Variants in MEIS2 observed in about 807,000 individuals in gnomAD.
The protein encoded by MEIS2 is Meis homeobox 2, also known as homeobox protein Meis2.
A neutral mutation model predicts 58.6 loss-of-function variants in MEIS2; 9 were observed. The observed-to-expected ratio is 0.15, with a 90% CI of 0.09 to 0.27. MEIS2 has a LOEUF of 0.27. Ranked by LOEUF, MEIS2 falls within the 10% of genes least tolerant of loss-of-function variation. The probability of loss-of-function intolerance (pLI) is 1.00; values close to 1 mark genes in which losing one functional copy is unlikely to be tolerated. For synonymous variants in MEIS2, 221 were observed against 228.4 expected, an observed-to-expected ratio of 0.97 and a Z score of 0.29; for missense variants, 427 against 635.0, an observed-to-expected ratio of 0.67 and a Z score of 3.52.
At chr15:37,024,509 G>A (rs780102051) in intron 8 of MEIS2, among the ~76,000 whole-genome samples, 5 of 152,142 alleles carry the variant, frequency 3.3e-5, no homozygotes, top group Non-Finnish European at 5.9e-5. Context: ...TGGCTGGTGC[G>A]TCTAAACCTA....
At chr15:36,902,456 C>G (rs536269825) in intron 9 of MEIS2, among the ~76,000 whole-genome samples, 1 of 152,326 alleles carries the variant, frequency 6.6e-6, no homozygotes, top group East Asian at 1.9e-4. Flanking sequence ...GAATCACACT[C>G]TCTGTATGGT....
chr15:36,977,155 T>C (rs914275117), intron 8 of MEIS2, among the ~76,000 whole-genome samples: 2 of 148,412 alleles, frequency 1.3e-5, no homozygotes, highest in Non-Finnish European at 3.0e-5. Flanking sequence ...AAACAAAAAA[T>C]TCAGGGGAGG....
At chr15:36,894,618 A>T (rs1251879246) in intron 11 of MEIS2, 3 of 904,794 alleles carry the variant, frequency 3.3e-6, no homozygotes, top group Non-Finnish European at 3.4e-6. Context: ...AAAGGCATGC[A>T]GTTATGGGCA....
chr15:37,017,873 A>AC (rs1187128185), intron 8 of MEIS2, among the ~76,000 whole-genome samples: 1 of 152,156 alleles, frequency 6.6e-6, no homozygotes, highest in East Asian at 1.9e-4. Flanking sequence ...AAACAATGAC[A>AC]CCAAAAATTT....
At chr15:36,927,918 T>A (rs1468277730) in intron 9 of MEIS2, among the ~76,000 whole-genome samples, 1 of 152,000 alleles carries the variant, frequency 6.6e-6, no homozygotes, top group Admixed American at 6.6e-5. Flanking sequence ...ATAAATAACA[T>A]AAATAAACAA....
chr15:37,069,723 A>C (rs1890438007), intron 7 of MEIS2, among the ~76,000 whole-genome samples: 1 of 152,160 alleles, frequency 6.6e-6, no homozygotes, highest in South Asian at 2.1e-4. Context: ...CAACAATAAG[A>C]GAGTCAGCGA....
At chr15:36,948,912 A>T (rs1234743082) in intron 9 of MEIS2, among the ~76,000 whole-genome samples, 1 of 151,986 alleles carries the variant, frequency 6.6e-6, no homozygotes, top group Non-Finnish European at 1.5e-5. Context: ...TCCAATCTTT[A>T]GAAGAAAATT....
intron 8 of MEIS2, among the ~76,000 whole-genome samples, chr15:37,034,146 G>A (rs145070707): frequency 6.6e-6 from 1 of 152,010 alleles, no homozygotes; most frequent in African/African-American, 2.4e-5. Flanking sequence ...AGGAAAGAAT[G>A]ACCCATGAGG....
Position 36,895,160 on chromosome 15 carries a change from G to A in MEIS2, c.1138C>T (p.Arg380Trp), listed in dbSNP as rs2056106639. 1.9e-6 allele frequency: 3 copies of A among 1,613,718 alleles called. No individual in the cohort carries two copies. Among genetic ancestry groups the A allele is most frequent in the Admixed American group, 1.7e-5 (1 of 60,018 alleles). The change falls in exon 11 of 12, where the codon CGG (arginine) becomes TGG (tryptophan). Residue 380 changes from arginine (R) to tryptophan (W), a missense_variant. Arg to Trp is a moderately radical substitution (Grantham distance 101). This residue lies in a region of MEIS2 where 154 missense variants were observed against 148.1 expected (regional missense o/e 1.04). Transcript: ENST00000561208. Reference sequence around the variant, plus strand: ...GGATGAGCCAACCTACCTGCAGGCCGGATCCCCATGTGTTGCTGACCATCC... The same window carrying A: ...GGATGAGCCAACCTACCTGCAGGCCAGATCCCCATGTGTTGCTGACCATCC... The part of the protein sequence containing the change: ...VLDGQQHMGI[R>W]PAGLQSMPGD...
chr15:37,032,793 T>C (rs915319410), intron 8 of MEIS2, among the ~76,000 whole-genome samples: 1 of 152,154 alleles, frequency 6.6e-6, no homozygotes, highest in African/African-American at 2.4e-5. Context: ...ATTTTGAAAA[T>C]AGGGTAGTTC....
intron 7 of MEIS2, among the ~76,000 whole-genome samples, chr15:37,043,076 AC>A (rs1310105186): frequency 6.6e-6 from 1 of 152,112 alleles, no homozygotes; most frequent in African/African-American, 2.4e-5. Flanking sequence ...CCTAAAACTG[AC>A]CTCTCAGCCA....
chr15:37,086,372 C>T (rs185792080), intron 6 of MEIS2, among the ~76,000 whole-genome samples: 12 of 152,238 alleles, frequency 7.9e-5, no homozygotes, highest in Admixed American at 4.6e-4. Context: ...AGGCCTCATT[C>T]GTTTATAATT....
At position 36,995,283 on chromosome 15, in the gene MEIS2, T is replaced by G. The variant is rs964923109; in HGVS notation, c.900+41531A>C. 7.2e-5 allele frequency among the ~76,000 whole-genome samples: 11 copies of G among 152,316 alleles called. 1 individual carries two copies. The highest frequency in any genetic ancestry group is 3.9e-4 in the Admixed American group (6 of 15,294). On this transcript the variant is annotated intron_variant, in intron 8 of 11. Coordinates refer to ENST00000561208, the MANE Select transcript of MEIS2 (RefSeq NM_170675.5). ...AAACACTTTAAACATTTTCATGCATTCCCACCCATAGACACTTAACCAAGG... is the reference window on the plus strand; with the variant it reads ...AAACACTTTAAACATTTTCATGCATGCCCACCCATAGACACTTAACCAAGG...
chr15:36,913,925 C>T (rs1395952240), intron 9 of MEIS2, among the ~76,000 whole-genome samples: 1 of 152,150 alleles, frequency 6.6e-6, no homozygotes, highest in South Asian at 2.1e-4. Context: ...AAACTGATAT[C>T]ATATTGTGTC....
At chr15:37,009,602 G>A (rs75263693) in intron 8 of MEIS2, among the ~76,000 whole-genome samples, 4,292 of 152,292 alleles carry the variant, frequency 0.028, 209 homozygotes, top group African/African-American at 0.098. Context: ...CCTTTGGAGT[G>A]AGTTTATGGC....
chr15:37,081,334 T>G (rs1395041925), intron 7 of MEIS2, among the ~76,000 whole-genome samples: 1 of 152,186 alleles, frequency 6.6e-6, no homozygotes, highest in Non-Finnish European at 1.5e-5. Context: ...TAAATTTCTC[T>G]CCCACGTTTT....
At chr15:36,961,342 C>T (rs931888048) in intron 8 of MEIS2, among the ~76,000 whole-genome samples, 1 of 151,916 alleles carries the variant, frequency 6.6e-6, no homozygotes, top group East Asian at 1.9e-4. Flanking sequence ...ATAACCAACC[C>T]CCCCAAAATA....
In MEIS2 at chr15:37,075,873, C is replaced by T. The variant is rs763240099; in HGVS notation, c.754+7898G>A. ...TTCCAAGGCAGGCAGAAGAGAAGGA[C>T]ACACTCCCTCTAGGTCTCTTTCATT... On this transcript the variant is annotated intron_variant, in intron 7 of 11. Coordinates refer to ENST00000561208, the MANE Select transcript of MEIS2 (RefSeq NM_170675.5). 2.9e-4 allele frequency among the ~76,000 whole-genome samples: 44 copies of T among 151,948 alleles called. 1 individual carries two copies. Among genetic ancestry groups the T allele is most frequent in the Non-Finnish European group, 5.1e-4 (35 of 67,968 alleles).
intron 9 of MEIS2, among the ~76,000 whole-genome samples, chr15:36,943,065 T>C (rs748702616): frequency 6.6e-6 from 1 of 152,182 alleles, no homozygotes; most frequent in Non-Finnish European, 1.5e-5. Flanking sequence ...AATTTTACTT[T>C]ATCCATCTGT....
Sources: allele counts gnomAD v4.1 joint callset (sites outside exome capture counted in the v4.1 genomes callset), GRCh38; gene constraint gnomAD v4.1.1; regional missense constraint gnomAD v4.1.1; transcripts MANE v1.5; gene names NCBI Gene and HGNC (gene_info 2026-07-23, HGNC 2026-07-21).